The following BMP6 variants were observed in gnomAD, a reference collection of about 807,000 sequenced individuals.
The protein encoded by BMP6 is bone morphogenetic protein 6.
In BMP6, 17 loss-of-function variants were observed where a neutral mutation model predicts 54.1. That is an observed-to-expected ratio of 0.31 (90% confidence interval 0.22 to 0.47). The LOEUF (loss-of-function observed/expected upper bound fraction) is 0.47. Ranked by LOEUF, BMP6 falls within the 20% of genes least tolerant of loss-of-function variation. BMP6 has a pLI of 1.00. For synonymous variants in BMP6, 328 were observed against 291.2 expected, an observed-to-expected ratio of 1.13 and a Z score of -1.28; for missense variants, 720 against 690.4, an observed-to-expected ratio of 1.04 and a Z score of -0.48.
chr6:7,755,510 T>G (rs762224533), intron 1 of BMP6, among the ~76,000 whole-genome samples: 4 of 152,254 alleles, frequency 2.6e-5, no homozygotes, highest in Admixed American at 6.5e-5. Flanking sequence ...ATTTTATTTC[T>G]GTTTATGTTA....
rs1347299599 is a variant in BMP6, at chr6:7,880,307, C to T, written c.1506C>T (p.Tyr502=). Reference sequence around the variant, plus strand: ...ACTCCAATGTCATTCTGAAAAAATACAGGAATATGGTTGTAAGAGCTTGTG... The same window carrying T: ...ACTCCAATGTCATTCTGAAAAAATATAGGAATATGGTTGTAAGAGCTTGTG... ...DDNSNVILKK[Y]RNMVVRACGC... is the part of the protein sequence containing the mutation. Residue 502 remains tyrosine (Y), a synonymous_variant, in exon 7 of 7, where the codon TAC becomes TAT. Transcript: ENST00000283147. 6.2e-7 allele frequency: 1 copy of T among 1,614,132 alleles called. No individual in the cohort carries two copies. The highest frequency in any genetic ancestry group is 1.1e-5 in the South Asian group (1 of 91,074).
chr6:7,835,186 C>G (rs1205450279), intron 1 of BMP6, among the ~76,000 whole-genome samples: 4 of 152,034 alleles, frequency 2.6e-5, no homozygotes, highest in Non-Finnish European at 5.9e-5. Flanking sequence ...GCAGTGGCAC[C>G]ATCTCGGCTC....
intron 1 of BMP6, among the ~76,000 whole-genome samples, chr6:7,765,552 A>G (rs1757673847): frequency 6.6e-6 from 1 of 152,256 alleles, no homozygotes; most frequent in South Asian, 2.1e-4. Flanking sequence ...TCGCCATGTC[A>G]GCAGCATCAT....
intron 1 of BMP6, among the ~76,000 whole-genome samples, chr6:7,812,972 G>GA (rs67331565): frequency 0.03 from 4,194 of 137,836 alleles, 231 homozygotes; most frequent in African/African-American, 0.1. Context: ...CAAAGGTGAG[G>GA]AAAAAAAAAA....
At chr6:7,817,951 A>C (rs1304372705) in intron 1 of BMP6, among the ~76,000 whole-genome samples, 1 of 152,188 alleles carries the variant, frequency 6.6e-6, no homozygotes, top group Non-Finnish European at 1.5e-5. Context: ...CTTGTCTGGG[A>C]TGTCATGTTG....
intron 2 of BMP6, among the ~76,000 whole-genome samples, 196 bp downstream of exon 2, chr6:7,845,528 T>C (rs2113255329): frequency 6.6e-6 from 1 of 152,372 alleles, no homozygotes; most frequent in African/African-American, 2.4e-5. Context: ...CAAATAGCTA[T>C]CTTTTCCTAA....
At chr6:7,735,171 CTTA>C (rs759760286) in intron 1 of BMP6, among the ~76,000 whole-genome samples, 2 of 152,358 alleles carry the variant, frequency 1.3e-5, no homozygotes, top group Non-Finnish European at 1.5e-5. Flanking sequence ...CGCCACGGGC[CTTA>C]TTATCACTCT....
intron 1 of BMP6, among the ~76,000 whole-genome samples, chr6:7,838,000 T>C (rs1758900393): frequency 6.6e-6 from 1 of 152,082 alleles, no homozygotes; most frequent in South Asian, 2.1e-4. Context: ...AGTATATTAC[T>C]TCTTGAAAAG....
At chr6:7,879,952 C>T in intron 5 of BMP6, 39 bp from the exon 6 acceptor site, 2 of 1,571,240 alleles carry the variant, frequency 1.3e-6, no homozygotes, top group Non-Finnish European at 8.8e-7. Context: ...GTGAGAAGTG[C>T]ATGCTCATCT....
chr6:7,836,730 A>G (rs1758882461), intron 1 of BMP6, among the ~76,000 whole-genome samples: 1 of 152,234 alleles, frequency 6.6e-6, no homozygotes, highest in Non-Finnish European at 1.5e-5. Context: ...TATGAATACA[A>G]ATACTTAGAA....
chr6:7,862,854 T>G (rs1759359186), intron 4 of BMP6, among the ~76,000 whole-genome samples: 1 of 152,192 alleles, frequency 6.6e-6, no homozygotes. Context: ...TGGGGGGTTA[T>G]GATGTGCAAG....
At chr6:7,735,542 G>T (rs573651600) in intron 1 of BMP6, among the ~76,000 whole-genome samples, 1 of 151,998 alleles carries the variant, frequency 6.6e-6, no homozygotes, top group African/African-American at 2.4e-5. Context: ...CTCCCATATC[G>T]GAATAAGTTA....
intron 4 of BMP6, 30 bp from the exon 5 acceptor site, chr6:7,879,044 A>G (rs1387813355): frequency 6.3e-7 from 1 of 1,597,902 alleles, no homozygotes; most frequent in Admixed American, 1.7e-5. Flanking sequence ...GCATCTTTTG[A>G]TGGGTGCATC....
intron 3 of BMP6, 66 bp downstream of exon 3, chr6:7,861,665 C>A: frequency 6.3e-7 from 1 of 1,589,440 alleles, no homozygotes; most frequent in South Asian, 1.1e-5. Flanking sequence ...TCCCTTACAG[C>A]AGTTGTGATA....
In BMP6 at chr6:7,727,185, G is replaced by C. The variant is rs1169481240; in HGVS notation, c.230G>C (p.Arg77Pro). Residue 77 changes from arginine to proline, a missense_variant, in exon 1 of 7, where the codon CGG becomes CCG. Arg to Pro is a moderately radical substitution (Grantham distance 103). Coordinates refer to ENST00000283147, the MANE Select transcript of BMP6 (RefSeq NM_001718.6). ...CGGCGGCTCAAGACGCAGGAGAAGCGGGAGATGCAGAAGGAGATCTTGTCG... is the reference window on the plus strand; with the variant it reads ...CGGCGGCTCAAGACGCAGGAGAAGCCGGAGATGCAGAAGGAGATCTTGTCG... ...LYRRLKTQEK[R>P]EMQKEILSVL... The C allele has an allele frequency of 6.2e-7, 1 of 1,601,542 alleles. No homozygotes were observed. The highest frequency in any genetic ancestry group is 1.7e-5 in the Admixed American group (1 of 58,820).
chr6:7,874,805 T>C (rs1759580293), intron 4 of BMP6, among the ~76,000 whole-genome samples: 1 of 117,796 alleles, frequency 8.5e-6, no homozygotes, highest in Non-Finnish European at 1.7e-5. Flanking sequence ...GTCAACGCTA[T>C]GTGAGATAGC....
At chr6:7,844,747 G>T (rs1296452607) in intron 1 of BMP6, among the ~76,000 whole-genome samples, 1 of 152,080 alleles carries the variant, frequency 6.6e-6, no homozygotes, top group Non-Finnish European at 1.5e-5. Context: ...GACATAACGG[G>T]GCCAGGATGG....
intron 2 of BMP6, among the ~76,000 whole-genome samples, chr6:7,855,299 G>A (rs1321674892): frequency 6.6e-6 from 1 of 152,152 alleles, no homozygotes; most frequent in Non-Finnish European, 1.5e-5. Flanking sequence ...TCAGCATCAC[G>A]TGGGAACCTG....
At chr6:7,873,386 A>G (rs1334043059) in intron 4 of BMP6, among the ~76,000 whole-genome samples, 1 of 152,216 alleles carries the variant, frequency 6.6e-6, no homozygotes, top group African/African-American at 2.4e-5. Context: ...AGAGACTCTT[A>G]GGCAAGGTCA....
Sources: allele counts gnomAD v4.1 joint callset (sites outside exome capture counted in the v4.1 genomes callset), GRCh38; gene constraint gnomAD v4.1.1; transcripts MANE v1.5; gene names NCBI Gene and HGNC (gene_info 2026-07-23, HGNC 2026-07-21).